EHBP1: variants seen among roughly 807,000 people sequenced by gnomAD.
The protein encoded by EHBP1 is EH domain-binding protein 1.
Under a neutral mutation model 144.0 loss-of-function variants are expected in EHBP1, and 55 were observed. The ratio of observed to expected loss-of-function variants is 0.38; its 90% confidence interval spans 0.31 to 0.48. EHBP1 has a LOEUF of 0.48. EHBP1 is among the 20% of genes least tolerant of loss of function. The probability of loss-of-function intolerance (pLI) is 0.98; values close to 1 mark genes in which losing one functional copy is unlikely to be tolerated. For synonymous variants in EHBP1, 469 were observed against 472.7 expected, an observed-to-expected ratio of 0.99 and a Z score of 0.10; for missense variants, 1,200 against 1,364.2, an observed-to-expected ratio of 0.88 and a Z score of 1.90.
chr2:63,009,609 C>A (rs2060187559), intron 19 of EHBP1, among the ~76,000 whole-genome samples: 1 of 151,486 alleles, frequency 6.6e-6, no homozygotes, highest in Admixed American at 6.6e-5. Context: ...TTATGTGATT[C>A]ATTTACTGTA....
At chr2:62,771,148 C>T (rs2041628000) in intron 4 of EHBP1, among the ~76,000 whole-genome samples, 191 bp from the exon 5 acceptor site, 1 of 152,052 alleles carries the variant, frequency 6.6e-6, no homozygotes, top group Admixed American at 6.6e-5. Flanking sequence ...TGCACATATA[C>T]CCCAAACCTA....
At chr2:62,762,718 C>G (rs2040859052) in intron 3 of EHBP1, among the ~76,000 whole-genome samples, 1 of 152,134 alleles carries the variant, frequency 6.6e-6, no homozygotes, top group African/African-American at 2.4e-5. Context: ...TTCTACCACC[C>G]CAAGCCAAGT....
chr2:62,890,613 AT>A (rs1164526049), intron 10 of EHBP1, among the ~76,000 whole-genome samples: 1 of 152,108 alleles, frequency 6.6e-6, no homozygotes, highest in East Asian at 1.9e-4. Context: ...AGCTGAAGTT[AT>A]TTATTAGCTA....
At chr2:62,773,884 A>G (rs56065771) in intron 5 of EHBP1, among the ~76,000 whole-genome samples, 19,796 of 130,496 alleles carry the variant, frequency 0.15, 2,055 homozygotes, top group Middle Eastern at 0.33. Context: ...AAAAAAAAAA[A>G]AGAGAGAGAG....
chr2:62,808,903 G>A (rs1268902748), intron 5 of EHBP1, among the ~76,000 whole-genome samples: 1 of 152,154 alleles, frequency 6.6e-6, no homozygotes, highest in East Asian at 1.9e-4. Flanking sequence ...ACAGTGGGCT[G>A]CAGTTGAGTA....
At chr2:62,863,837 G>GTTTTTTTTTTTT (rs1354945636) in intron 8 of EHBP1, among the ~76,000 whole-genome samples, 2 of 74,574 alleles carry the variant, frequency 2.7e-5, no homozygotes, top group Admixed American at 1.8e-4. Context: ...ATTTTTCTGT[G>GTTTTTTTTTTTT]TTGTTTTTTT....
chr2:62,855,950 C>T (rs1232424585), intron 7 of EHBP1, among the ~76,000 whole-genome samples: 1 of 152,182 alleles, frequency 6.6e-6, no homozygotes, highest in Non-Finnish European at 1.5e-5. Flanking sequence ...GGATTACCTA[C>T]CTGCAGAGAA....
intron 5 of EHBP1, among the ~76,000 whole-genome samples, chr2:62,782,766 A>G (rs1573324016): frequency 6.6e-6 from 1 of 152,108 alleles, no homozygotes; most frequent in South Asian, 2.1e-4. Context: ...AATTCAAGAT[A>G]AGATTTGGGT....
At chr2:62,711,143 T>C (rs67789268) in intron 2 of EHBP1, among the ~76,000 whole-genome samples, 17 of 152,018 alleles carry the variant, frequency 1.1e-4, no homozygotes, top group African/African-American at 4.1e-4. Context: ...GTCAGACATA[T>C]GTAACACACA....
chr2:62,898,723 T>C (rs531756286), intron 10 of EHBP1, among the ~76,000 whole-genome samples: 1 of 151,212 alleles, frequency 6.6e-6, no homozygotes, highest in African/African-American at 2.4e-5. Flanking sequence ...GGTGGATGGA[T>C]AGACGAAAGG....
chr2:62,741,491 A>G (rs2038704832), intron 2 of EHBP1, among the ~76,000 whole-genome samples: 1 of 152,086 alleles, frequency 6.6e-6, no homozygotes, highest in African/African-American at 2.4e-5. Flanking sequence ...TCTTTACCCT[A>G]TTTCTGAATT....
intron 2 of EHBP1, among the ~76,000 whole-genome samples, chr2:62,722,489 AT>A (rs1364549202): frequency 6.6e-6 from 1 of 152,064 alleles, no homozygotes; most frequent in Non-Finnish European, 1.5e-5. Flanking sequence ...GGAAATTTAC[AT>A]TTGTATGTAA....
chr2:62,887,271 G>A (rs1558859073), intron 10 of EHBP1, among the ~76,000 whole-genome samples: 1 of 152,056 alleles, frequency 6.6e-6, no homozygotes. Flanking sequence ...TGTTACAGCT[G>A]AAAATCAAGA....
At chr2:62,865,079 A>G in intron 9 of EHBP1, 108 bp downstream of exon 9, 2 of 1,234,980 alleles carry the variant, frequency 1.6e-6, no homozygotes, top group Non-Finnish European at 2.3e-6. Context: ...TGTACACTTT[A>G]TAAGTCAGTA....
chr2:62,814,633 G>C (rs1573494801), intron 5 of EHBP1, among the ~76,000 whole-genome samples: 1 of 152,180 alleles, frequency 6.6e-6, no homozygotes, highest in South Asian at 2.1e-4. Context: ...CTCTAGAAGG[G>C]TATGGTGCTG....
intron 7 of EHBP1, among the ~76,000 whole-genome samples, chr2:62,853,616 A>C (rs1255228302): frequency 6.6e-6 from 1 of 152,230 alleles, no homozygotes; most frequent in Admixed American, 6.5e-5. Flanking sequence ...TCGTATCTAG[A>C]ACAGTGAATC....
chr2:62,685,974 G>A (rs1002445772), intron 1 of EHBP1, among the ~76,000 whole-genome samples: 2 of 152,118 alleles, frequency 1.3e-5, no homozygotes, highest in Admixed American at 6.5e-5. Flanking sequence ...ACTTTCCAAT[G>A]GGAGAGAAAA....
chr2:62,711,005 A>C (rs2035093701), intron 2 of EHBP1, among the ~76,000 whole-genome samples: 1 of 152,232 alleles, frequency 6.6e-6, no homozygotes, highest in South Asian at 2.1e-4. Context: ...AGAAAAAAGC[A>C]TTAATTAGAA....
At position 62,949,006 on chromosome 2, in the gene EHBP1, A is replaced by G. The variant is rs1019524366; in HGVS notation, c.2160A>G (p.Lys720=). Residue 720 remains lysine, a synonymous_variant, in exon 13 of 23, where the codon AAA becomes AAG. Coordinates refer to ENST00000431489, the MANE Select transcript of EHBP1 (RefSeq NM_001142616.3). ...CRSDPESPIK[K]TSLSPTSKLG... The stretch of plus-strand genomic sequence containing the variant: ...CAGATCCAGAATCTCCTATCAAAAA[A>G]ACAAGTTTATCTCCTACTTCTAAAC... 14 of 1,613,760 alleles carry G rather than the reference A, an allele frequency of 8.7e-6. No individual in the cohort carries two copies. The highest frequency in any genetic ancestry group is 1.3e-5 in the African/African-American group (1 of 74,888).
Sources: allele counts gnomAD v4.1 joint callset (sites outside exome capture counted in the v4.1 genomes callset), GRCh38; gene constraint gnomAD v4.1.1; transcripts MANE v1.5; gene names NCBI Gene and HGNC (gene_info 2026-07-23, HGNC 2026-07-21).